The following MRAP2 variants were observed in gnomAD, a reference collection of about 807,000 sequenced individuals.
MRAP2 encodes melanocortin 2 receptor accessory protein 2.
MRAP2 carries 20 observed loss-of-function variants against 17.4 expected under a neutral mutation model. That is an observed-to-expected ratio of 1.15 (90% CI 0.81 to 1.67). The LOEUF is 1.67. MRAP2 is among the 40% of genes most tolerant of loss of function. The probability of loss-of-function intolerance (pLI) is 0.00; values close to 1 mark genes in which losing one functional copy is unlikely to be tolerated. For synonymous variants in MRAP2, 96 were observed against 88.4 expected, an observed-to-expected ratio of 1.09 and a Z score of -0.48; for missense variants, 238 against 240.0, an observed-to-expected ratio of 0.99 and a Z score of 0.05.
At chr6:84,139,862 T>G in the MRAP2 span, among the ~76,000 whole-genome samples, 1 of 149,348 alleles carries the variant, frequency 6.7e-6, no homozygotes, top group Non-Finnish European at 1.5e-5. Context: ...TCATTTGTTG[T>G]GAGAAGGAGA....
chr6:84,077,573 T>A (rs1014405418), intron 3 of MRAP2, among the ~76,000 whole-genome samples: 57 of 152,230 alleles, frequency 3.7e-4, no homozygotes, highest in African/African-American at 1.4e-3. Context: ...CTTCTTCAAT[T>A]TCCCTTTGTA....
the MRAP2 span, among the ~76,000 whole-genome samples, chr6:84,138,839 TAAC>T: frequency 6.6e-6 from 1 of 152,196 alleles, no homozygotes; most frequent in African/African-American, 2.4e-5. Context: ...GTGCTTATGT[TAAC>T]AAAGTTTTAT....
the MRAP2 span, among the ~76,000 whole-genome samples, chr6:84,109,709 G>C: frequency 6.6e-6 from 1 of 152,000 alleles, no homozygotes; most frequent in Non-Finnish European, 1.5e-5. Context: ...CTATCAACCC[G>C]TCATCTACAT....
chr6:84,040,306 C>T (rs1182744345), intron 1 of MRAP2, among the ~76,000 whole-genome samples: 5 of 152,214 alleles, frequency 3.3e-5, no homozygotes, highest in Admixed American at 6.5e-5. Context: ...TCAATTAAAC[C>T]TCTTTCCTTT....
the MRAP2 span, among the ~76,000 whole-genome samples, chr6:84,114,189 A>G: frequency 6.6e-6 from 1 of 151,836 alleles, no homozygotes; most frequent in Non-Finnish European, 1.5e-5. Context: ...ACTTGGTTCC[A>G]TTCTCCCCCT....
downstream of MRAP2, among the ~76,000 whole-genome samples, chr6:84,094,923 A>G (rs568580717): frequency 1.3e-4 from 20 of 152,252 alleles, no homozygotes; most frequent in East Asian, 3.3e-3. Flanking sequence ...GTTCACATCC[A>G]TATTCCTACT....
At chr6:84,130,920 C>T in the MRAP2 span, among the ~76,000 whole-genome samples, 5 of 152,040 alleles carry the variant, frequency 3.3e-5, no homozygotes, top group Admixed American at 3.3e-4. Flanking sequence ...TTTGCTCTTG[C>T]TTCTCTAGTT....
chr6:84,102,383 G>A, the MRAP2 span, among the ~76,000 whole-genome samples: 1 of 152,198 alleles, frequency 6.6e-6, no homozygotes, highest in East Asian at 1.9e-4. Flanking sequence ...GAGAAGCTGA[G>A]TTAGAGCTTG....
At chr6:84,145,957 T>C in the MRAP2 span, among the ~76,000 whole-genome samples, 1 of 152,130 alleles carries the variant, frequency 6.6e-6, no homozygotes, top group Non-Finnish European at 1.5e-5. Context: ...TCTTATTAGA[T>C]CACCATATAG....
chr6:84,081,311 C>T (rs2099498918), intron 3 of MRAP2, among the ~76,000 whole-genome samples: 1 of 152,186 alleles, frequency 6.6e-6, no homozygotes, highest in East Asian at 1.9e-4. Context: ...AACTTCTCAT[C>T]CTGGTTTGCA....
At chr6:84,126,449 A>T in the MRAP2 span, 16 of 1,590,524 alleles carry the variant, frequency 1.0e-5, no homozygotes, top group Non-Finnish European at 1.7e-6. Context: ...AAGCCCACGA[A>T]ATGTTTCATC....
intron 3 of MRAP2, among the ~76,000 whole-genome samples, chr6:84,083,819 A>T (rs2099499618): frequency 6.6e-6 from 1 of 152,184 alleles, no homozygotes; most frequent in African/African-American, 2.4e-5. Context: ...TATTATACAC[A>T]CACAACATTA....
At chr6:84,040,505 C>G (rs947684708) in intron 1 of MRAP2, among the ~76,000 whole-genome samples, 2 of 151,990 alleles carry the variant, frequency 1.3e-5, no homozygotes, top group Non-Finnish European at 2.9e-5. Flanking sequence ...AAAATGTGGG[C>G]AAGTTTGGAA....
chr6:84,096,514 A>C, the MRAP2 span, among the ~76,000 whole-genome samples: 1 of 152,192 alleles, frequency 6.6e-6, no homozygotes, highest in African/African-American at 2.4e-5. Flanking sequence ...TTTGACTTCA[A>C]GTGAAATGTA....
intron 3 of MRAP2, among the ~76,000 whole-genome samples, chr6:84,079,665 T>C (rs146965674): frequency 1.9e-4 from 29 of 152,304 alleles, no homozygotes; most frequent in African/African-American, 6.5e-4. Context: ...AAGAAAATGA[T>C]ATTTATTTGG....
rs140570347 is a variant in MRAP2 at position 84,063,055 on chromosome 6, A to G, written c.227+63A>G. ...ACAGGAGACTGAGGAAATAGAAACTACTACCCAGGGCCGGAGGTGCTTCCC... is the reference window on the plus strand; with the variant it reads ...ACAGGAGACTGAGGAAATAGAAACTGCTACCCAGGGCCGGAGGTGCTTCCC... On this transcript the variant is annotated intron_variant, in intron 3 of 3. Coordinates refer to ENST00000257776, the MANE Select transcript of MRAP2 (RefSeq NM_138409.4). 1,324 of 1,609,440 alleles carry G rather than the reference A, an allele frequency of 8.2e-4. 16 individuals are homozygous for G. The East Asian group carries it at 0.022, about 27-fold the overall frequency.
At chr6:84,075,000 G>C (rs1588652249) in intron 3 of MRAP2, among the ~76,000 whole-genome samples, 1 of 152,200 alleles carries the variant, frequency 6.6e-6, no homozygotes, top group East Asian at 1.9e-4. Context: ...ACAGTAAGAA[G>C]TTAATCCTCA....
chr6:84,126,719 G>A, the MRAP2 span, among the ~76,000 whole-genome samples: 8 of 152,100 alleles, frequency 5.3e-5, no homozygotes, highest in Non-Finnish European at 7.4e-5. Flanking sequence ...AAGAGGTTCC[G>A]GATGAATGGA....
At position 84,089,119 on chromosome 6, in the gene MRAP2, A is replaced by G; in HGVS notation, c.256A>G (p.Arg86Gly). The change falls in exon 4 of 4, where the codon AGA becomes GGA. Residue 86 changes from arginine to glycine, a missense_variant. Transcript: ENST00000257776. Reference sequence around the variant, plus strand: ...TGCAGAGTCCTCAGAGAAGAGATTCAGAATGAACAGCTTTGTGTCAGACTT... The same window carrying G: ...TGCAGAGTCCTCAGAGAAGAGATTCGGAATGAACAGCTTTGTGTCAGACTT... Reference protein sequence around the residue: ...DNAESSEKRFRMNSFVSDFGR... With the variant: ...DNAESSEKRFGMNSFVSDFGR... 3 of 1,613,744 alleles carry G rather than the reference A, an allele frequency of 1.9e-6. No individual in the cohort carries two copies. Among genetic ancestry groups the G allele is most frequent in the Non-Finnish European group, 2.5e-6 (3 of 1,179,888 alleles).
Sources: gnomAD v4.1 joint callset for allele counts (sites outside exome capture counted in the v4.1 genomes callset) on GRCh38, gnomAD v4.1.1 for gene constraint, MANE v1.5 for transcripts, NCBI Gene and HGNC (gene_info 2026-07-23, HGNC 2026-07-21) for gene names.